Variants in MPPED2 observed in about 807,000 individuals in gnomAD.
The protein encoded by MPPED2 is metallophosphoesterase MPPED2.
A neutral mutation model predicts 33.0 loss-of-function variants in MPPED2; 5 were observed. That is an observed-to-expected ratio of 0.15 (90% CI 0.08 to 0.32). MPPED2 has a LOEUF of 0.32. Ranked by LOEUF, MPPED2 falls within the 10% of genes least tolerant of loss-of-function variation. The pLI is 1.00. For synonymous variants in MPPED2, 136 were observed against 141.9 expected (o/e 0.96, Z 0.29); for missense variants, 275 against 372.1 (o/e 0.74, Z 2.15).
chr11:30,472,959 T>C (rs912226485), intron 4 of MPPED2, among the ~76,000 whole-genome samples: 2 of 152,242 alleles, frequency 1.3e-5, no homozygotes, highest in Non-Finnish European at 2.9e-5. Context: ...GTGCATATTA[T>C]GTACAATGGA....
intron 3 of MPPED2, among the ~76,000 whole-genome samples, chr11:30,516,428 TC>T (rs997075724): frequency 3.3e-5 from 5 of 152,142 alleles, no homozygotes; most frequent in African/African-American, 1.2e-4. Flanking sequence ...ACGTAGCATT[TC>T]CCTAACATGA....
Position 30,544,160 on chromosome 11 carries a change from T to C in MPPED2, c.129-7985A>G, listed in dbSNP as rs917782499. On this transcript the variant is annotated intron_variant, in intron 2 of 6. Coordinates refer to ENST00000358117, the MANE Select transcript of MPPED2 (RefSeq NM_001584.3). ...TTCTCCTAGTGCCATCTGAGGTGTT[T>C]TTATGTGCATCAGGCTAACTACCGT... Among the ~76,000 whole-genome samples, 3 of 152,188 alleles carry C rather than the reference T, an allele frequency of 2.0e-5. No homozygotes were observed. In the East Asian group the frequency reaches 5.8e-4, roughly 29 times the overall value.
At chr11:30,390,052 T>C (rs1448269849) in intron 6 of MPPED2, among the ~76,000 whole-genome samples, 3 of 152,270 alleles carry the variant, frequency 2.0e-5, no homozygotes, top group African/African-American at 7.2e-5. Flanking sequence ...ATATTTAGTA[T>C]GTAAGTGTCG....
intron 3 of MPPED2, among the ~76,000 whole-genome samples, chr11:30,513,593 C>T (rs979805292): frequency 1.3e-5 from 2 of 152,118 alleles, no homozygotes; most frequent in Non-Finnish European, 2.9e-5. Flanking sequence ...CTCCAAACAG[C>T]CATGAAACAT....
intron 2 of MPPED2, among the ~76,000 whole-genome samples, chr11:30,555,358 T>G (rs1955915214): frequency 6.6e-6 from 1 of 152,158 alleles, no homozygotes; most frequent in Non-Finnish European, 1.5e-5. Flanking sequence ...AATATCAAAG[T>G]GTGAGTCAGT....
At chr11:30,407,105 C>T (rs112901997), downstream of MPPED2, among the ~76,000 whole-genome samples, 634 of 152,262 alleles carry the variant, frequency 4.2e-3, 5 homozygotes, top group African/African-American at 0.014. Context: ...ACCTAGGTCA[C>T]GGTATTTATT....
At chr11:30,481,998 G>A (rs1387142730) in intron 4 of MPPED2, among the ~76,000 whole-genome samples, 1 of 151,960 alleles carries the variant, frequency 6.6e-6, no homozygotes, top group Non-Finnish European at 1.5e-5. Context: ...CACACACCCG[G>A]ATCATATACG....
chr11:30,569,455 A>C (rs1362870216), intron 2 of MPPED2, among the ~76,000 whole-genome samples: 7 of 152,174 alleles, frequency 4.6e-5, no homozygotes, highest in Non-Finnish European at 7.4e-5. Context: ...TCTTCTCTCT[A>C]AGTTTATTGA....
intron 4 of MPPED2, among the ~76,000 whole-genome samples, chr11:30,485,864 C>G (rs1049369052): frequency 1.5e-4 from 23 of 152,132 alleles, no homozygotes; most frequent in African/African-American, 5.6e-4. Flanking sequence ...ATTGCTCTCA[C>G]AAAACAGCCT....
chr11:30,584,350 A>T (rs1957341714), intron 1 of MPPED2: 1 of 68,850 alleles, frequency 1.5e-5, no homozygotes, highest in Non-Finnish European at 3.5e-5. Context: ...CTACACACAC[A>T]CACACACACA....
intron 3 of MPPED2, among the ~76,000 whole-genome samples, chr11:30,510,352 C>T (rs1953088148): frequency 6.6e-6 from 1 of 152,152 alleles, no homozygotes; most frequent in Non-Finnish European, 1.5e-5. Context: ...CACTGAGTTA[C>T]CTTTAATGAA....
At position 30,410,935 on chromosome 11, in the gene MPPED2, G is replaced by C. The variant is rs961112147; in HGVS notation, c.*533C>G. On this transcript the variant is annotated 3_prime_UTR_variant, in exon 7 of 7. Transcript: ENST00000358117. Reference sequence around the variant, plus strand: ...CTCAATGCAGCTTTCTTTATAGTGAGAGTATGAAAAGAAGTCTTTTCCATG... The same window carrying C: ...CTCAATGCAGCTTTCTTTATAGTGACAGTATGAAAAGAAGTCTTTTCCATG... The C allele has an allele frequency of 2.0e-6, 2 of 985,752 alleles. No homozygotes were observed. Among genetic ancestry groups the C allele is most frequent in the Non-Finnish European group, 2.4e-6 (2 of 829,948 alleles). 61.1% of individuals were successfully genotyped at this position (985,752 alleles called of 1,614,324 possible). A position where few individuals can be genotyped will look rare whatever the true frequency, so the allele number is the denominator to read the frequency against.
intron 2 of MPPED2, among the ~76,000 whole-genome samples, chr11:30,559,330 A>T (rs1357708280): frequency 6.6e-6 from 1 of 152,212 alleles, no homozygotes; most frequent in Non-Finnish European, 1.5e-5. Flanking sequence ...ATTAATAAAA[A>T]TGTATTGTAA....
chr11:30,536,003 C>T lies in MPPED2; in HGVS notation c.301G>A (p.Asp101Asn). Residue 101 changes from aspartate to asparagine, a missense_variant, in exon 3 of 7, where the codon GAC becomes AAC. Physicochemically the swap from Asp to Asn is conservative, Grantham distance 23. Coordinates refer to ENST00000358117, the MANE Select transcript of MPPED2 (RefSeq NM_001584.3). ...CGCAATCATTCCTTACCTAACCAGT[C>T]ATTAAACTTCTTAACCTCTGAGGGC... ...GLPSEVKKFN[D>N]WLGNLPYEYK... The T allele has an allele frequency of 6.2e-7, 1 of 1,604,034 alleles. No homozygotes were observed. Among genetic ancestry groups the T allele is most frequent in the South Asian group, 1.1e-5 (1 of 89,068 alleles).
chr11:30,506,187 AC>A (rs1313610324), intron 3 of MPPED2, among the ~76,000 whole-genome samples: 1 of 151,930 alleles, frequency 6.6e-6, no homozygotes, highest in African/African-American at 2.4e-5. Context: ...ACATGTGCCC[AC>A]CACCACCCCC....
intron 1 of MPPED2, among the ~76,000 whole-genome samples, chr11:30,581,386 T>A (rs1017118515): frequency 6.6e-6 from 1 of 152,188 alleles, no homozygotes; most frequent in Non-Finnish European, 1.5e-5. Context: ...GGTTGAGAAA[T>A]GAAGATGTCT....
downstream of MPPED2, among the ~76,000 whole-genome samples, chr11:30,384,150 T>A (rs768419908): frequency 3.8e-5 from 5 of 130,862 alleles, no homozygotes; most frequent in Non-Finnish European, 8.7e-5. Flanking sequence ...TCATGCTGAT[T>A]ACAAAAAACA....
In MPPED2 at chr11:30,532,797, G is replaced by A. The variant is rs117886324; in HGVS notation, c.310+3197C>T. On this transcript the variant is annotated intron_variant, in intron 3 of 6. Transcript: ENST00000358117. ...TATGACCTAAGATGAAGCTGTGCTC[G>A]ATTATCTGATAAATTACGCATGTTA... is the stretch of plus-strand genomic sequence containing the variant. 4.1e-4 allele frequency among the ~76,000 whole-genome samples: 63 copies of A among 152,228 alleles called. No individual in the cohort carries two copies. In the East Asian group the frequency reaches 0.01, roughly 24 times the overall value.
At chr11:30,512,160 C>G (rs991567824) in intron 3 of MPPED2, among the ~76,000 whole-genome samples, 1 of 152,140 alleles carries the variant, frequency 6.6e-6, no homozygotes, top group Non-Finnish European at 1.5e-5. Flanking sequence ...CATTGGGCTT[C>G]TAGAAGTCCT....
Sources: gnomAD v4.1 joint callset for allele counts (sites outside exome capture counted in the v4.1 genomes callset) on GRCh38, gnomAD v4.1.1 for gene constraint, MANE v1.5 for transcripts, NCBI Gene and HGNC (gene_info 2026-07-23, HGNC 2026-07-21) for gene names.